FMN1: variants seen among roughly 807,000 people sequenced by gnomAD.
The protein encoded by FMN1 is formin-1.
FMN1 carries 110 observed loss-of-function variants against 132.4 expected under a neutral mutation model. The ratio of observed to expected loss-of-function variants is 0.83; its 90% CI spans 0.71 to 0.97. The LOEUF (loss-of-function observed/expected upper bound fraction) is 0.97, where lower values mean the gene tolerates loss of function less well. FMN1 is among the 50% of genes least tolerant of loss of function. The pLI is 0.00. For missense variants in FMN1, 1,792 were observed against 1,705.3 expected (o/e 1.05, Z -0.90); for synonymous variants, 722 against 651.7 (o/e 1.11, Z -1.64).
intron 5 of FMN1, among the ~76,000 whole-genome samples, chr15:33,072,087 C>CA (rs1028159945): frequency 1.3e-5 from 2 of 151,890 alleles, no homozygotes; most frequent in Non-Finnish European, 2.9e-5. Flanking sequence ...AACAAACAAA[C>CA]AAAAAAACAA....
intron 11 of FMN1, 24 bp from the exon 12 acceptor site, chr15:32,908,602 C>CAAAA: frequency 2.9e-6 from 2 of 679,770 alleles, no homozygotes; most frequent in South Asian, 3.6e-5. Context: ...GAAAACAAAA[C>CAAAA]CAAAAAAAAA....
intron 9 of FMN1, among the ~76,000 whole-genome samples, chr15:32,931,393 T>TA (rs1466589753): frequency 2.0e-5 from 3 of 152,228 alleles, no homozygotes; most frequent in African/African-American, 7.2e-5. Context: ...TTTTCAAAAC[T>TA]AGTCTGTACT....
chr15:32,920,946 A>G (rs1310569093), intron 10 of FMN1, among the ~76,000 whole-genome samples: 1 of 152,042 alleles, frequency 6.6e-6, no homozygotes, highest in Non-Finnish European at 1.5e-5. Flanking sequence ...CTTCAGTCCT[A>G]TTTTTCTTTA....
chr15:33,184,433 A>T lies in FMN1; in HGVS notation c.-196-4171T>A, dbSNP rs192744298. 2.1e-3 allele frequency among the ~76,000 whole-genome samples: 317 copies of T among 152,230 alleles called. 3 individuals carry two copies. The highest frequency in any genetic ancestry group is 7.1e-3 in the African/African-American group (297 of 41,550). The stretch of plus-strand genomic sequence containing the variant: ...TTTTCCACATTTCAAAAATGATTTT[A>T]AAAAATTTATATCAGACTGTACATC... On this transcript the variant is annotated intron_variant, in intron 2 of 20. Coordinates refer to ENST00000616417, the MANE Select transcript of FMN1 (RefSeq NM_001277313.2).
chr15:33,028,513 G>C (rs1034328593), intron 6 of FMN1, among the ~76,000 whole-genome samples: 3 of 115,836 alleles, frequency 2.6e-5, no homozygotes, highest in Non-Finnish European at 5.6e-5. Flanking sequence ...AACTACAGAG[G>C]AAAAAATAAA....
At chr15:33,119,110 TA>T (rs903912951) in intron 4 of FMN1, among the ~76,000 whole-genome samples, 2 of 152,152 alleles carry the variant, frequency 1.3e-5, no homozygotes, top group African/African-American at 2.4e-5. Flanking sequence ...GTTCAGCCCA[TA>T]AAAACTAGAA....
At chr15:33,043,291 A>C (rs1019428916) in intron 6 of FMN1, among the ~76,000 whole-genome samples, 1 of 152,254 alleles carries the variant, frequency 6.6e-6, no homozygotes, top group Non-Finnish European at 1.5e-5. Flanking sequence ...GAACTATAAC[A>C]AATGGAGGTG....
chr15:33,127,658 G>A (rs564761855), intron 4 of FMN1, among the ~76,000 whole-genome samples: 17 of 152,258 alleles, frequency 1.1e-4, no homozygotes, highest in Non-Finnish European at 5.9e-5. Flanking sequence ...CATTCCAACT[G>A]AAGCTTCCAC....
At chr15:33,069,919 A>G (rs1008222612) in intron 5 of FMN1, among the ~76,000 whole-genome samples, 1 of 150,786 alleles carries the variant, frequency 6.6e-6, no homozygotes, top group African/African-American at 2.4e-5. Flanking sequence ...CCCATTGATT[A>G]AAATCAGACA....
At chr15:32,833,141 C>T (rs749477308) in intron 17 of FMN1, among the ~76,000 whole-genome samples, 42 of 152,278 alleles carry the variant, frequency 2.8e-4, no homozygotes, top group Non-Finnish European at 3.8e-4. Context: ...CTAATTTCTT[C>T]TTGTCTCTAA....
intron 6 of FMN1, among the ~76,000 whole-genome samples, chr15:33,045,181 C>T (rs1044399916): frequency 1.2e-4 from 18 of 152,228 alleles, no homozygotes; most frequent in African/African-American, 3.9e-4. Context: ...GCCATAGCCT[C>T]GCAGGGAGTC....
At chr15:32,953,006 G>A (rs1299407861) in intron 9 of FMN1, among the ~76,000 whole-genome samples, 1 of 152,180 alleles carries the variant, frequency 6.6e-6, no homozygotes, top group East Asian at 1.9e-4. Flanking sequence ...TCCCCACACT[G>A]TACTGGGGAA....
chr15:32,905,717 C>A (rs144840629), intron 12 of FMN1, among the ~76,000 whole-genome samples: 21 of 152,320 alleles, frequency 1.4e-4, no homozygotes, highest in Non-Finnish European at 2.6e-4. Context: ...TAGGAAACTG[C>A]AACGTTAAAA....
At chr15:32,808,440 T>C (rs2057756971) in intron 17 of FMN1, among the ~76,000 whole-genome samples, 1 of 152,234 alleles carries the variant, frequency 6.6e-6, no homozygotes, top group Non-Finnish European at 1.5e-5. Flanking sequence ...CGTCATGCCA[T>C]GGCTGCTGGG....
intron 3 of FMN1, among the ~76,000 whole-genome samples, chr15:33,156,582 T>C (rs1964682648): frequency 6.6e-6 from 1 of 151,964 alleles, no homozygotes; most frequent in Non-Finnish European, 1.5e-5. Context: ...GAGCCACTGC[T>C]CCCGGCCGTA....
At chr15:32,801,797 AAAAC>A (rs143973884) in intron 18 of FMN1, among the ~76,000 whole-genome samples, 9,138 of 152,190 alleles carry the variant, frequency 0.06, 517 homozygotes, top group African/African-American at 0.15. Flanking sequence ...TCCGTCTCAA[AAAAC>A]AAACAAACAA....
intron 6 of FMN1, among the ~76,000 whole-genome samples, chr15:33,054,674 CA>C (rs775427487): frequency 2.2e-4 from 33 of 152,136 alleles, no homozygotes; most frequent in Non-Finnish European, 4.4e-4. Flanking sequence ...TTGCAAACAT[CA>C]AAAAGGAGTT....
At chr15:32,822,679 G>A (rs2058250258) in intron 17 of FMN1, among the ~76,000 whole-genome samples, 1 of 152,050 alleles carries the variant, frequency 6.6e-6, no homozygotes, top group African/African-American at 2.4e-5. Flanking sequence ...GAGATGCAAT[G>A]TATTTTCATT....
At chr15:33,158,465 A>AT (rs1455920179) in intron 3 of FMN1, among the ~76,000 whole-genome samples, 8 of 152,152 alleles carry the variant, frequency 5.3e-5, no homozygotes, top group Non-Finnish European at 1.2e-4. Context: ...AGAACTTTAC[A>AT]CTATTGCCTC....
Sources: gnomAD v4.1 joint callset for allele counts (sites outside exome capture counted in the v4.1 genomes callset) on GRCh38, gnomAD v4.1.1 for gene constraint, MANE v1.5 for transcripts, NCBI Gene and HGNC (gene_info 2026-07-23, HGNC 2026-07-21) for gene names.